Variants in HACD2 observed in about 807,000 individuals in gnomAD.
HACD2 encodes very-long-chain (3R)-3-hydroxyacyl-CoA dehydratase 2.
HACD2 carries 15 observed loss-of-function variants against 31.0 expected under a neutral mutation model. That is an observed-to-expected ratio of 0.48 (90% CI 0.32 to 0.75). The LOEUF is 0.75. Ranked by LOEUF, HACD2 falls within the 30% of genes least tolerant of loss-of-function variation. HACD2 has a pLI of 0.03. For synonymous variants in HACD2, 115 were observed against 122.2 expected (o/e 0.94, Z 0.39); for missense variants, 283 against 313.0 (o/e 0.90, Z 0.72).
At chr3:123,521,855 C>G (rs1249487890) in intron 4 of HACD2, among the ~76,000 whole-genome samples, 1 of 152,188 alleles carries the variant, frequency 6.6e-6, no homozygotes, top group Non-Finnish European at 1.5e-5. Context: ...TAAGAAGACG[C>G]TTGCTTGCTT....
intron 4 of HACD2, among the ~76,000 whole-genome samples, chr3:123,514,376 T>G (rs909972942): frequency 1.3e-5 from 2 of 152,168 alleles, no homozygotes; most frequent in East Asian, 3.9e-4. Context: ...TTCTTTGTAC[T>G]GCTCTGGCAA....
intron 4 of HACD2, among the ~76,000 whole-genome samples, chr3:123,510,908 A>G (rs2056052288): frequency 6.8e-6 from 1 of 147,582 alleles, no homozygotes; most frequent in Admixed American, 6.7e-5. Flanking sequence ...AAGAGTTCCA[A>G]TTTCTCCACT....
intron 4 of HACD2, among the ~76,000 whole-genome samples, chr3:123,525,073 T>A (rs1217479682): frequency 6.6e-6 from 1 of 152,182 alleles, no homozygotes; most frequent in Non-Finnish European, 1.5e-5. Context: ...TCTTAAACAC[T>A]AATAACAAGA....
chr3:123,539,196 T>C (rs1400655392), intron 3 of HACD2, among the ~76,000 whole-genome samples: 1 of 152,140 alleles, frequency 6.6e-6, no homozygotes, highest in East Asian at 1.9e-4. Context: ...CTCAAAACCT[T>C]CTGGGGCGAA....
At chr3:123,571,369 T>C (rs771344513) in intron 2 of HACD2, among the ~76,000 whole-genome samples, 11 of 152,190 alleles carry the variant, frequency 7.2e-5, no homozygotes, top group Admixed American at 1.3e-4. Flanking sequence ...GATTTGAAGA[T>C]ACAGATATTA....
At chr3:123,507,502 C>T (rs1040900444) in intron 4 of HACD2, among the ~76,000 whole-genome samples, 1 of 152,048 alleles carries the variant, frequency 6.6e-6, no homozygotes, top group Non-Finnish European at 1.5e-5. Context: ...ATGAAAGAAG[C>T]CAAAAGCAAA....
chr3:123,532,060 T>C (rs559967028), intron 3 of HACD2, among the ~76,000 whole-genome samples: 1 of 152,336 alleles, frequency 6.6e-6, no homozygotes, highest in African/African-American at 2.4e-5. Context: ...AAGAAGTTTA[T>C]TACCAATTTA....
chr3:123,563,525 A>G (rs542018683), intron 3 of HACD2, among the ~76,000 whole-genome samples: 1 of 152,146 alleles, frequency 6.6e-6, no homozygotes, highest in South Asian at 2.1e-4. Flanking sequence ...AGCAGTGTGG[A>G]GCATGGACTT....
intron 4 of HACD2, among the ~76,000 whole-genome samples, chr3:123,504,980 G>A (rs2055955669): frequency 6.6e-6 from 1 of 152,166 alleles, no homozygotes; most frequent in Non-Finnish European, 1.5e-5. Context: ...CAGTCAAAAG[G>A]CAAAGAAACC....
chr3:123,520,260 A>G (rs1265148998), intron 4 of HACD2, among the ~76,000 whole-genome samples: 2 of 152,260 alleles, frequency 1.3e-5, no homozygotes, highest in Non-Finnish European at 2.9e-5. Flanking sequence ...CATACCAAAT[A>G]TACCTTATAA....
intron 3 of HACD2, among the ~76,000 whole-genome samples, chr3:123,548,573 C>A (rs899303828): frequency 5.3e-5 from 8 of 152,206 alleles, no homozygotes; most frequent in African/African-American, 1.9e-4. Context: ...AAAACTACTA[C>A]TACTACTATC....
chr3:123,510,805 G>A (rs1369848783), intron 4 of HACD2, among the ~76,000 whole-genome samples: 1 of 152,078 alleles, frequency 6.6e-6, no homozygotes, highest in Non-Finnish European at 1.5e-5. Flanking sequence ...GGACCATATG[G>A]TAATTTTATG....
chr3:123,511,137 T>A (rs1316885482), intron 4 of HACD2, among the ~76,000 whole-genome samples: 1 of 152,176 alleles, frequency 6.6e-6, no homozygotes, highest in Non-Finnish European at 1.5e-5. Context: ...TTAGTATCTC[T>A]TTTTAATATT....
intron 6 of HACD2, among the ~76,000 whole-genome samples, chr3:123,498,331 G>A (rs2055859746): frequency 1.3e-5 from 2 of 152,316 alleles, no homozygotes; most frequent in South Asian, 2.1e-4. Context: ...ACCAAAAGGA[G>A]GCTGAGACTG....
intron 4 of HACD2, among the ~76,000 whole-genome samples, chr3:123,508,302 C>T (rs564038713): frequency 3.9e-5 from 6 of 152,298 alleles, no homozygotes; most frequent in African/African-American, 7.2e-5. Context: ...ATGCTGCAGA[C>T]GGAAGGTTTC....
chr3:123,533,118 T>A lies in HACD2; in HGVS notation c.293-4644A>T, dbSNP rs529613960. Among the ~76,000 whole-genome samples the A allele has an allele frequency of 2.6e-5, 4 of 152,320 alleles. No individual in the cohort carries two copies. The East Asian group carries it at 7.7e-4, about 29-fold the overall frequency. On this transcript the variant is annotated intron_variant, in intron 3 of 6. Transcript: ENST00000383657. ...GTGTATGAGCTACCACAAATCGTTG[T>A]AGAATGTGGAATATAGATAGACAAG...
At position 123,492,257 on chromosome 3, in the gene HACD2, G is replaced by A. The variant is rs1291845042; in HGVS notation, c.*2631C>T. The A allele has an allele frequency of 1.3e-5, 2 of 152,188 alleles. No homozygotes were observed. Among genetic ancestry groups the A allele is most frequent in the East Asian group, 3.8e-4 (2 of 5,196 alleles). 9.4% of individuals were successfully genotyped at this position (152,188 alleles called of 1,614,324 possible). On this transcript the variant is annotated 3_prime_UTR_variant, in exon 7 of 7. Coordinates refer to ENST00000383657, the MANE Select transcript of HACD2 (RefSeq NM_198402.5). ...TCTGTCAGAAGAAGGCCCCCACGGA[G>A]GGATCTGAAATACATAATCAAGTGG...
chr3:123,564,624 GCAGGGTT>G (rs1353767607), intron 3 of HACD2, among the ~76,000 whole-genome samples: 12 of 152,152 alleles, frequency 7.9e-5, no homozygotes, highest in Non-Finnish European at 2.9e-5. Context: ...ACACCCAACT[GCAGGGTT>G]CAGGTATCGA....
chr3:123,524,940 C>A (rs750718222), intron 4 of HACD2, among the ~76,000 whole-genome samples: 9 of 152,146 alleles, frequency 5.9e-5, no homozygotes, highest in Non-Finnish European at 1.0e-4. Flanking sequence ...CTACAAGCTA[C>A]CTATCTCAAG....
Sources: allele counts gnomAD v4.1 joint callset (sites outside exome capture counted in the v4.1 genomes callset), GRCh38; gene constraint gnomAD v4.1.1; transcripts MANE v1.5; gene names NCBI Gene and HGNC (gene_info 2026-07-23, HGNC 2026-07-21).